Variants in TCF7 observed in about 807,000 individuals in gnomAD.
The protein encoded by TCF7 is T-cell-factor-7.
A neutral mutation model predicts 46.8 loss-of-function variants in TCF7; 19 were observed. The ratio of observed to expected loss-of-function variants is 0.41; its 90% CI spans 0.28 to 0.60. The LOEUF (loss-of-function observed/expected upper bound fraction) is 0.60, where lower values mean the gene tolerates loss of function less well. TCF7 is among the 20% of genes least tolerant of loss of function. TCF7 has a pLI of 0.35. For missense variants in TCF7, 547 were observed against 504.6 expected, an observed-to-expected ratio of 1.08 and a Z score of -0.81; for synonymous variants, 245 against 213.4, an observed-to-expected ratio of 1.15 and a Z score of -1.29.
chr5:134,117,393 T>C (rs1192032407), intron 3 of TCF7, among the ~76,000 whole-genome samples: 1 of 152,222 alleles, frequency 6.6e-6, no homozygotes, highest in South Asian at 2.1e-4. Context: ...AACCCTTAGA[T>C]TTGGGACTAG....
chr5:134,138,504 C>A, intron 4 of TCF7: 1 of 304,274 alleles, frequency 3.3e-6, no homozygotes, highest in Non-Finnish European at 6.1e-6. Flanking sequence ...ATGGCTGATT[C>A]ACCTCAGCCT....
intron 3 of TCF7, among the ~76,000 whole-genome samples, chr5:134,129,262 C>G (rs1173866070): frequency 3.3e-5 from 5 of 152,224 alleles, no homozygotes; most frequent in Non-Finnish European, 7.3e-5. Flanking sequence ...GTGGGGGCTG[C>G]CATCTCTAAA....
chr5:134,117,607 C>G (rs774921269), intron 3 of TCF7, among the ~76,000 whole-genome samples: 1 of 152,122 alleles, frequency 6.6e-6, no homozygotes, highest in Non-Finnish European at 1.5e-5. Flanking sequence ...GTATCTGGAG[C>G]AGGGAGGGCT....
In TCF7 at chr5:134,146,668, G is replaced by C; in HGVS notation, c.*365G>C. On this transcript the variant is annotated 3_prime_UTR_variant, in exon 10 of 10. Coordinates refer to ENST00000342854, the MANE Select transcript of TCF7 (RefSeq NM_003202.5). ...TTCAGAGGCTGCAGGACTTCTGCCT[G>C]AACCTGGGGTCATCGATTCAAACTG... The C allele has an allele frequency of 1.6e-6, 1 of 638,960 alleles. No homozygotes were observed. The highest frequency in any genetic ancestry group is 2.8e-6 in the Non-Finnish European group (1 of 360,160). The allele number at this position is 638,960 out of a possible 1,614,324, so 39.6% of individuals were successfully genotyped here.
At position 134,146,245 on chromosome 5, in the gene TCF7, G is replaced by C; in HGVS notation, c.1097G>C (p.Gly366Ala). 6.2e-7 allele frequency: 1 copy of C among 1,614,196 alleles called. No homozygotes were observed. The highest frequency in any genetic ancestry group is 8.5e-7 in the Non-Finnish European group (1 of 1,180,028). ...STTGGKRNAFGTYPEKAAAPA... is the reference protein window; with the variant it reads ...STTGGKRNAFATYPEKAAAPA... ...CTAGGAGGAAAAAGAAATGCATTCG[G>C]TACTTACCCGGAGAAGGCCGCTGCC... Residue 366 changes from glycine to alanine, a missense_variant, in exon 10 of 10, where the codon GGT becomes GCT. Transcript: ENST00000342854.
At position 134,145,629 on chromosome 5, in the gene TCF7, C is replaced by T. The variant is rs754555363; in HGVS notation, c.1076-595C>T. The stretch of plus-strand genomic sequence containing the variant: ...AGCCTCTCAGTGTACCCACCACACT[C>T]CCTGTCCAAGGGCAAGGAGGAGTTT... On this transcript the variant is annotated intron_variant, in intron 9 of 9. Transcript: ENST00000342854. The T allele has an allele frequency of 3.5e-6, 4 of 1,133,618 alleles. No homozygotes were observed. The Admixed American group carries it at 6.2e-5, about 18-fold the overall frequency. The allele number at this position is 1,133,618 out of a possible 1,614,324, so 70.2% of individuals were successfully genotyped here.
At chr5:134,145,191 G>T in intron 9 of TCF7, 5 of 594,920 alleles carry the variant, frequency 8.4e-6, no homozygotes, top group Non-Finnish European at 1.6e-5. Context: ...CCACTAAGGG[G>T]GCCTGGAGCC....
In TCF7 at chr5:134,129,415, C is replaced by T. The variant is rs116699259; in HGVS notation, c.442-8644C>T. 4.2e-3 allele frequency among the ~76,000 whole-genome samples: 647 copies of T among 152,304 alleles called. 3 individuals are homozygous for T. Among genetic ancestry groups the T allele is most frequent in the South Asian group, 0.011 (52 of 4,830 alleles). ...GGAGCTATGAGGTTGTGCCTTGCCT[C>T]GGTCCACGGTGGGCTCCTGGATGGC... On this transcript the variant is annotated intron_variant, in intron 3 of 9. Transcript: ENST00000342854.
chr5:134,116,152 T>C (rs1269642448), intron 3 of TCF7, 119 bp downstream of exon 3: 3 of 1,449,282 alleles, frequency 2.1e-6, no homozygotes, highest in South Asian at 1.5e-5. Context: ...GTGCTGGTCT[T>C]TTCTCCCATA....
rs199510883 is a variant in TCF7 at position 134,146,295 on chromosome 5, G to T, written c.1147G>T (p.Val383Leu). The change falls in exon 10 of 10, where the codon GTG becomes TTG. Residue 383 changes from valine to leucine, a missense_variant. By Grantham distance (32) the Val-to-Leu change is conservative (BLOSUM62 1). Around this residue, in one of 3 missense-constraint regions of TCF7, gnomAD observed 90 missense variants for 88.8 expected, o/e 1.01. Transcript: ENST00000342854. ...CCCAGCCCCGTTCCTTCCGATGACA[G>T]TGCTCTAGGCTGCCCCGGGTCCCCA... ...AAPAPFLPMT[V>L]L 5.4e-5 allele frequency: 87 copies of T among 1,614,204 alleles called. No individual in the cohort carries two copies. The East Asian group carries it at 1.9e-3, about 35-fold the overall frequency.
chr5:134,108,342 T>C, the TCF7 span, among the ~76,000 whole-genome samples: 6 of 152,124 alleles, frequency 3.9e-5, no homozygotes, highest in Admixed American at 2.6e-4. Flanking sequence ...TTGGCCCATG[T>C]TAGTATCCAG....
At chr5:134,128,394 G>GGGCC (rs1407541822) in intron 3 of TCF7, among the ~76,000 whole-genome samples, 1 of 152,018 alleles carries the variant, frequency 6.6e-6, no homozygotes, top group Non-Finnish European at 1.5e-5. Flanking sequence ...CAGCACCCCA[G>GGGCC]GGCCTGGTGC....
intron 9 of TCF7, 82 bp downstream of exon 9, chr5:134,143,722 G>T: frequency 6.4e-7 from 1 of 1,557,984 alleles, no homozygotes; most frequent in Admixed American, 1.8e-5. Context: ...CCAAAGGGAG[G>T]AACGCGGTAC....
At chr5:134,138,386 A>G (rs939426383) in intron 4 of TCF7, 44 of 532,924 alleles carry the variant, frequency 8.3e-5, no homozygotes, top group Non-Finnish European at 1.4e-4. Context: ...TTCAGGTTGA[A>G]GCCTAAATCC....
chr5:134,128,837 C>G (rs1425769295), intron 3 of TCF7, among the ~76,000 whole-genome samples: 1 of 152,162 alleles, frequency 6.6e-6, no homozygotes, highest in African/African-American at 2.4e-5. Context: ...CCAGCCAGAC[C>G]CGGTGGGAAG....
intron 8 of TCF7, 116 bp from the exon 9 acceptor site, chr5:134,143,476 A>C: frequency 8.1e-7 from 1 of 1,241,560 alleles, no homozygotes; most frequent in Non-Finnish European, 1.2e-6. Flanking sequence ...CAGCACCCCA[A>C]GGTAGGAGGG....
intron 3 of TCF7, among the ~76,000 whole-genome samples, chr5:134,133,285 G>A (rs1397159796): frequency 6.6e-6 from 1 of 152,188 alleles, no homozygotes; most frequent in East Asian, 1.9e-4. Context: ...CTCTAGGTTT[G>A]GTACTCTGCC....
chr5:134,136,055 G>T (rs1441417901), intron 3 of TCF7, among the ~76,000 whole-genome samples: 1 of 151,736 alleles, frequency 6.6e-6, no homozygotes, highest in East Asian at 1.9e-4. Flanking sequence ...GCAAGAGACT[G>T]TCTGGCTGGG....
At chr5:134,131,843 A>C (rs1212310980) in intron 3 of TCF7, among the ~76,000 whole-genome samples, 2 of 152,254 alleles carry the variant, frequency 1.3e-5, no homozygotes, top group Admixed American at 1.3e-4. Context: ...AGTATGGAAC[A>C]TTGCAGAGGG....
Sources: allele counts gnomAD v4.1 joint callset (sites outside exome capture counted in the v4.1 genomes callset), GRCh38; gene constraint gnomAD v4.1.1; regional missense constraint gnomAD v4.1.1; transcripts MANE v1.5; gene names NCBI Gene and HGNC (gene_info 2026-07-23, HGNC 2026-07-21).